The following AGBL4 variants were observed in gnomAD, a reference collection of about 807,000 sequenced individuals.
AGBL4 encodes the protein AGBL carboxypeptidase 4.
Under a neutral mutation model 66.4 loss-of-function variants are expected in AGBL4, and 58 were observed. The observed-to-expected ratio is 0.87, with a 90% CI of 0.71 to 1.09. The LOEUF (loss-of-function observed/expected upper bound fraction) is 1.09. Among genes scored for constraint, AGBL4 ranks in the 50% least tolerant of loss-of-function variants. AGBL4 has a pLI of 0.00. For synonymous variants in AGBL4, 234 were observed against 222.9 expected (o/e 1.05, Z -0.44); for missense variants, 579 against 631.0 (o/e 0.92, Z 0.88).
At chr1:48,800,043 G>C (rs915567188) in intron 6 of AGBL4, among the ~76,000 whole-genome samples, 48 of 151,950 alleles carry the variant, frequency 3.2e-4, no homozygotes, top group African/African-American at 1.1e-3. Flanking sequence ...CCCTCTTTTT[G>C]TATCTTTTGG....
intron 1 of AGBL4, among the ~76,000 whole-genome samples, chr1:49,933,487 T>C (rs1024789995): frequency 2.0e-5 from 3 of 152,092 alleles, no homozygotes; most frequent in Admixed American, 2.0e-4. Flanking sequence ...AAATATAATA[T>C]ATAGACAAAT....
intron 4 of AGBL4, among the ~76,000 whole-genome samples, chr1:49,207,442 TTTTC>T (rs1570067067): frequency 9.4e-6 from 1 of 105,936 alleles, no homozygotes; most frequent in Admixed American, 1.1e-4. Flanking sequence ...CTTTCTTTCT[TTTTC>T]TTTCTTTCTT....
chr1:49,705,523 C>T (rs181650154), intron 2 of AGBL4, among the ~76,000 whole-genome samples: 23 of 151,840 alleles, frequency 1.5e-4, no homozygotes, highest in Non-Finnish European at 2.8e-4. Context: ...ATTTGAATAC[C>T]CTTTTTATTT....
intron 3 of AGBL4, among the ~76,000 whole-genome samples, chr1:49,255,977 G>C (rs1652460184): frequency 6.6e-6 from 1 of 152,090 alleles, no homozygotes; most frequent in Non-Finnish European, 1.5e-5. Context: ...TGGTCACACA[G>C]AGGGGAACAA....
In AGBL4 at chr1:49,098,127, G is replaced by A. The variant is rs539333896; in HGVS notation, c.378-52327C>T. 7.6e-4 allele frequency among the ~76,000 whole-genome samples: 115 copies of A among 152,176 alleles called. 1 individual carries two copies. The highest frequency in any genetic ancestry group is 2.6e-3 in the African/African-American group (109 of 41,504). On this transcript the variant is annotated intron_variant, in intron 4 of 13. Transcript: ENST00000371839. Reference sequence around the variant, plus strand: ...GCTCTGTTACTTACTGACTTACTGTGGTATAACAAATCACTTCACTCTAAG... The same window carrying A: ...GCTCTGTTACTTACTGACTTACTGTAGTATAACAAATCACTTCACTCTAAG...
At chr1:49,929,288 C>T (rs1378556459) in intron 1 of AGBL4, among the ~76,000 whole-genome samples, 1 of 151,720 alleles carries the variant, frequency 6.6e-6, no homozygotes, top group African/African-American at 2.4e-5. Context: ...CAAACCTACA[C>T]ATGTACCCCA....
chr1:49,061,387 G>A (rs1016482477), intron 4 of AGBL4, among the ~76,000 whole-genome samples: 2 of 152,134 alleles, frequency 1.3e-5, no homozygotes, highest in African/African-American at 4.8e-5. Flanking sequence ...AGCAGGTGAG[G>A]AAGCCAAGCC....
In AGBL4 at chr1:49,774,759, T is replaced by C. The variant is rs918230678; in HGVS notation, c.157+76637A>G. 2.0e-5 allele frequency among the ~76,000 whole-genome samples: 3 copies of C among 152,196 alleles called. No individual in the cohort carries two copies. The South Asian group carries it at 6.2e-4, about 31-fold the overall frequency. On this transcript the variant is annotated intron_variant, in intron 2 of 13. Transcript: ENST00000371839. The stretch of plus-strand genomic sequence containing the variant: ...GGTTATGCAAAATCCAGTATAAAGG[T>C]ATGAAGAAATCGAAATTCTCATTAA...
chr1:49,165,263 G>A (rs939211569), intron 4 of AGBL4, among the ~76,000 whole-genome samples: 1 of 152,094 alleles, frequency 6.6e-6, no homozygotes, highest in Non-Finnish European at 1.5e-5. Flanking sequence ...AAATATTCTA[G>A]ATTTAGAAAA....
intron 3 of AGBL4, among the ~76,000 whole-genome samples, chr1:49,410,558 T>C (rs1266521403): frequency 1.3e-5 from 2 of 152,170 alleles, no homozygotes; most frequent in Non-Finnish European, 2.9e-5. Context: ...CTCTTTCCTC[T>C]GTATCAGTTG....
chr1:49,647,108 G>T (rs899509236), intron 3 of AGBL4, among the ~76,000 whole-genome samples: 7 of 151,750 alleles, frequency 4.6e-5, no homozygotes, highest in African/African-American at 1.5e-4. Context: ...ATTCTACCTT[G>T]GGCTAGACAA....
At chr1:48,922,876 T>C (rs531251017) in intron 5 of AGBL4, among the ~76,000 whole-genome samples, 18 of 151,742 alleles carry the variant, frequency 1.2e-4, no homozygotes, top group African/African-American at 4.1e-4. Context: ...TCACAGTATA[T>C]TAAATGATAT....
At chr1:49,165,639 AAAG>A (rs2148150056) in intron 4 of AGBL4, among the ~76,000 whole-genome samples, 1 of 152,094 alleles carries the variant, frequency 6.6e-6, no homozygotes, top group African/African-American at 2.4e-5. Flanking sequence ...AAGAAAGGGA[AAAG>A]AAGGAGGGAG....
intron 3 of AGBL4, among the ~76,000 whole-genome samples, chr1:49,329,642 G>A (rs535430992): frequency 6.6e-6 from 1 of 152,050 alleles, no homozygotes; most frequent in Non-Finnish European, 1.5e-5. Flanking sequence ...CTCCAGCCTA[G>A]GTAACATAGT....
At chr1:49,482,167 T>A (rs1385130981) in intron 3 of AGBL4, among the ~76,000 whole-genome samples, 1 of 151,898 alleles carries the variant, frequency 6.6e-6, no homozygotes, top group Non-Finnish European at 1.5e-5. Context: ...AGTCAGTCCT[T>A]CCTTTTCGAT....
chr1:49,349,437 C>T (rs1298929071), intron 3 of AGBL4, among the ~76,000 whole-genome samples: 3 of 152,118 alleles, frequency 2.0e-5, no homozygotes, highest in Non-Finnish European at 2.9e-5. Flanking sequence ...TCTCCTCCTT[C>T]TCTCATCTCC....
intron 1 of AGBL4, among the ~76,000 whole-genome samples, chr1:50,002,295 G>T (rs1660812932): frequency 6.7e-6 from 1 of 149,862 alleles, no homozygotes; most frequent in African/African-American, 2.5e-5. Flanking sequence ...CAATACCCCA[G>T]TGTTAGCTGA....
chr1:49,907,711 A>G (rs1650414072), intron 1 of AGBL4, among the ~76,000 whole-genome samples: 1 of 152,156 alleles, frequency 6.6e-6, no homozygotes, highest in African/African-American at 2.4e-5. Flanking sequence ...AAGGGCAGTG[A>G]AAAATGCTCT....
intron 3 of AGBL4, among the ~76,000 whole-genome samples, chr1:49,362,271 G>C (rs1644153623): frequency 6.6e-6 from 1 of 152,182 alleles, no homozygotes; most frequent in Middle Eastern, 3.4e-3. Context: ...AGAAATTGCA[G>C]ATGATTTTCC....
Sources: allele counts gnomAD v4.1 joint callset (sites outside exome capture counted in the v4.1 genomes callset), GRCh38; gene constraint gnomAD v4.1.1; transcripts MANE v1.5; gene names NCBI Gene and HGNC (gene_info 2026-07-23, HGNC 2026-07-21).